The following REC114 variants were observed in gnomAD, a reference collection of about 807,000 sequenced individuals.
The protein encoded by REC114 is meiotic recombination protein REC114.
A neutral mutation model predicts 31.3 loss-of-function variants in REC114; 27 were observed. The observed-to-expected ratio is 0.86, with a 90% CI of 0.64 to 1.19. The LOEUF (loss-of-function observed/expected upper bound fraction) is 1.19. Ranked by LOEUF, REC114 falls within the 50% of genes most tolerant of loss-of-function variation. REC114 has a pLI of 0.00. For missense variants in REC114, 344 were observed against 326.9 expected, an observed-to-expected ratio of 1.05 and a Z score of -0.40; for synonymous variants, 134 against 127.7, an observed-to-expected ratio of 1.05 and a Z score of -0.33.
chr15:73,507,781 AAGC>A (rs1893701636), intron 2 of REC114, among the ~76,000 whole-genome samples: 1 of 152,212 alleles, frequency 6.6e-6, no homozygotes, highest in Non-Finnish European at 1.5e-5. Context: ...CACAAATTAA[AAGC>A]AGCAACTTAT....
In REC114 at chr15:73,551,034, A is replaced by G. The variant is rs1487932311; in HGVS notation, c.430A>G (p.Ile144Val). 2 of 1,613,810 alleles carry G rather than the reference A, an allele frequency of 1.2e-6. No homozygotes were observed. The highest frequency in any genetic ancestry group is 1.7e-6 in the Non-Finnish European group (2 of 1,179,856). Residue 144 changes from isoleucine (I) to valine (V), a missense_variant, in exon 4 of 6, where the codon ATA becomes GTA. Ile to Val is a conservative substitution (Grantham distance 29). Coordinates refer to ENST00000331090, the MANE Select transcript of REC114 (RefSeq NM_001042367.2). Reference protein sequence around the residue: ...CSCVQKLAQYITVQVPDGNIQ... With the variant: ...CSCVQKLAQYVTVQVPDGNIQ... ...TTGTGTTCAGAAGCTGGCACAATAC[A>G]TAACCGTGCAGGTGCCTGATGGAAA...
rs775080006 is a variant in REC114, at chr15:73,550,980, A to T, written c.376A>T (p.Lys126Ter). 1 of 1,613,926 alleles carries T rather than the reference A, an allele frequency of 6.2e-7. No individual in the cohort carries two copies. Among genetic ancestry groups the T allele is most frequent in the East Asian group, 2.2e-5 (1 of 44,874 alleles). The change falls in exon 4 of 6, where the codon AAG (lysine) becomes TAG (stop). Residue 126 changes from lysine to a stop codon, truncating the protein, a stop_gained. Transcript: ENST00000331090. LOFTEE classifies it high-confidence loss of function. The part of the protein sequence containing the change: ...LFRVQFSGES[K>*]EQALEHCCSC... ...TCGAGTACAGTTCAGTGGAGAGTCA[A>T]AGGAGCAGGCGCTGGAACACTGCTG...
chr15:73,464,956 A>G (rs932357796), intron 1 of REC114, among the ~76,000 whole-genome samples: 4 of 152,104 alleles, frequency 2.6e-5, no homozygotes, highest in African/African-American at 9.7e-5. Flanking sequence ...CAATATTGCA[A>G]TCTCAGCTCA....
At chr15:73,530,520 T>C (rs1305839498) in intron 2 of REC114, among the ~76,000 whole-genome samples, 1 of 152,144 alleles carries the variant, frequency 6.6e-6, no homozygotes, top group African/African-American at 2.4e-5. Flanking sequence ...TGGTGGTGCA[T>C]GCCTATGGTC....
chr15:73,550,881 A>T (rs1894377457), intron 3 of REC114, 57 bp from the exon 4 acceptor site: 4 of 1,547,404 alleles, frequency 2.6e-6, no homozygotes, highest in Non-Finnish European at 3.6e-6. Context: ...GGAAGACCCC[A>T]AAGTAAATAG....
chr15:73,502,351 C>T (rs1450203984), intron 2 of REC114, among the ~76,000 whole-genome samples: 1 of 152,072 alleles, frequency 6.6e-6, no homozygotes, highest in Non-Finnish European at 1.5e-5. Flanking sequence ...GTTAGGGGCA[C>T]CAACCCCTTG....
At chr15:73,547,293 G>A (rs1296427508) in intron 3 of REC114, among the ~76,000 whole-genome samples, 1 of 152,072 alleles carries the variant, frequency 6.6e-6, no homozygotes, top group Non-Finnish European at 1.5e-5. Context: ...ATATGAAAAG[G>A]TGATCAACAT....
intron 2 of REC114, among the ~76,000 whole-genome samples, chr15:73,495,411 A>G (rs980716056): frequency 6.6e-6 from 1 of 152,006 alleles, no homozygotes; most frequent in East Asian, 1.9e-4. Flanking sequence ...ATCAATATGT[A>G]GCTTACTAGT....
chr15:73,484,199 T>C (rs1417644294), intron 2 of REC114, among the ~76,000 whole-genome samples: 1 of 151,926 alleles, frequency 6.6e-6, no homozygotes, highest in East Asian at 1.9e-4. Flanking sequence ...TCTCCACTCC[T>C]GTTTCTTCTT....
chr15:73,539,110 AT>A (rs981165121), intron 2 of REC114, among the ~76,000 whole-genome samples: 11 of 151,998 alleles, frequency 7.2e-5, no homozygotes, highest in Non-Finnish European at 1.3e-4. Context: ...TTCCTCATAC[AT>A]TGCCACTTGA....
chr15:73,534,529 C>T (rs1894129234), intron 2 of REC114, among the ~76,000 whole-genome samples: 1 of 152,024 alleles, frequency 6.6e-6, no homozygotes, highest in Non-Finnish European at 1.5e-5. Flanking sequence ...GAAATTGTGG[C>T]AATAATCAAT....
At chr15:73,445,560 A>G (rs1240657123) in intron 1 of REC114, among the ~76,000 whole-genome samples, 5 of 152,108 alleles carry the variant, frequency 3.3e-5, no homozygotes, top group Non-Finnish European at 7.4e-5. Flanking sequence ...AAGCTTAATC[A>G]TTTCTAGCTT....
intron 2 of REC114, among the ~76,000 whole-genome samples, chr15:73,519,058 C>T (rs1893901158): frequency 6.6e-6 from 1 of 152,186 alleles, no homozygotes; most frequent in African/African-American, 2.4e-5. Context: ...ATTAGGATGG[C>T]TGCTATAAAA....
At chr15:73,549,531 T>C (rs1367066960) in intron 3 of REC114, among the ~76,000 whole-genome samples, 1 of 152,222 alleles carries the variant, frequency 6.6e-6, no homozygotes, top group Non-Finnish European at 1.5e-5. Context: ...GGATACCCCA[T>C]TTTCCATGAT....
At chr15:73,451,296 G>T (rs978031312) in intron 1 of REC114, among the ~76,000 whole-genome samples, 3 of 152,116 alleles carry the variant, frequency 2.0e-5, no homozygotes, top group Non-Finnish European at 2.9e-5. Flanking sequence ...TGATAAAGGG[G>T]CTGTCATCAC....
intron 2 of REC114, among the ~76,000 whole-genome samples, chr15:73,485,017 T>A (rs1327345908): frequency 2.6e-5 from 4 of 152,240 alleles, no homozygotes. Flanking sequence ...CAAAGCAGTC[T>A]TAACTACAGA....
At chr15:73,460,067 T>C (rs190625817) in intron 1 of REC114, among the ~76,000 whole-genome samples, 31 of 152,304 alleles carry the variant, frequency 2.0e-4, no homozygotes, top group South Asian at 8.3e-4. Context: ...TTTTTTTCTA[T>C]GACAAAATTA....
chr15:73,447,068 G>A (rs56227598), intron 1 of REC114, among the ~76,000 whole-genome samples: 25,074 of 152,078 alleles, frequency 0.16, 3,256 homozygotes, highest in African/African-American at 0.36. Context: ...ATTGTATATG[G>A]GTGGTGAGAG....
At chr15:73,538,706 C>T (rs1032757264) in intron 2 of REC114, among the ~76,000 whole-genome samples, 26 of 152,082 alleles carry the variant, frequency 1.7e-4, no homozygotes, top group African/African-American at 5.5e-4. Context: ...CCGCCTGCCT[C>T]GGCCTCCCAA....
Sources: gnomAD v4.1 joint callset for allele counts (sites outside exome capture counted in the v4.1 genomes callset) on GRCh38, gnomAD v4.1.1 for gene constraint, MANE v1.5 for transcripts, NCBI Gene and HGNC (gene_info 2026-07-23, HGNC 2026-07-21) for gene names.